SIPA1L2: variants seen among roughly 807,000 people sequenced by gnomAD.
The protein encoded by SIPA1L2 is signal induced proliferation associated 1 like 2.
Under a neutral mutation model 163.9 loss-of-function variants are expected in SIPA1L2, and 56 were observed. The ratio of observed to expected loss-of-function variants is 0.34; its 90% confidence interval spans 0.28 to 0.43. The LOEUF (loss-of-function observed/expected upper bound fraction) is 0.43. Among genes scored for constraint, SIPA1L2 ranks in the 20% least tolerant of loss-of-function variants. The pLI, the probability that SIPA1L2 is intolerant of heterozygous loss-of-function variation, is 1.00. For synonymous variants in SIPA1L2, 877 were observed against 865.7 expected (o/e 1.01, Z -0.23); for missense variants, 1,974 against 2,193.5 (o/e 0.90, Z 2.00).
At chr1:232,555,362 A>G (rs1286000708) in intron 2 of SIPA1L2, among the ~76,000 whole-genome samples, 1 of 152,186 alleles carries the variant, frequency 6.6e-6, no homozygotes, top group African/African-American at 2.4e-5. Flanking sequence ...GCCAACCTGG[A>G]GCAGCATAAC....
intron 2 of SIPA1L2, among the ~76,000 whole-genome samples, chr1:232,526,564 A>C (rs568510413): frequency 2.0e-5 from 3 of 152,238 alleles, no homozygotes; most frequent in South Asian, 2.1e-4. Flanking sequence ...TCAGGCAGTA[A>C]TGCTCGCCTG....
chr1:232,401,545 T>C (rs1188500070), intron 22 of SIPA1L2, among the ~76,000 whole-genome samples: 1 of 152,216 alleles, frequency 6.6e-6, no homozygotes, highest in African/African-American at 2.4e-5. Flanking sequence ...GTCTGGACCC[T>C]GTGTATGTGA....
At chr1:232,482,135 CCTT>C (rs1402068165) in intron 6 of SIPA1L2, among the ~76,000 whole-genome samples, 8 of 152,176 alleles carry the variant, frequency 5.3e-5, no homozygotes, top group African/African-American at 1.9e-4. Flanking sequence ...GTTCTCATCT[CCTT>C]GAGCTAAGGT....
chr1:232,410,257 A>G (rs1660872887), intron 19 of SIPA1L2, among the ~76,000 whole-genome samples: 1 of 152,146 alleles, frequency 6.6e-6, no homozygotes, highest in Admixed American at 6.5e-5. Flanking sequence ...TCAAATCTTA[A>G]TTTTTGAAGA....
intron 3 of SIPA1L2, among the ~76,000 whole-genome samples, chr1:232,494,445 G>A (rs549517251): frequency 6.6e-6 from 1 of 152,304 alleles, no homozygotes; most frequent in Admixed American, 6.5e-5. Flanking sequence ...CCTCGTATGT[G>A]CAATCACTAT....
At chr1:232,533,623 T>C (rs1657116618) in intron 2 of SIPA1L2, among the ~76,000 whole-genome samples, 1 of 152,136 alleles carries the variant, frequency 6.6e-6, no homozygotes, top group South Asian at 2.1e-4. Flanking sequence ...GTTGGTTAAA[T>C]CACAGAGGAC....
chr1:232,439,312 G>C lies in SIPA1L2; in HGVS notation c.3827C>G (p.Thr1276Ser). Residue 1276 changes from threonine to serine, a missense_variant, in exon 15 of 23, where the codon ACC becomes AGC. Transcript: ENST00000674635. ...GIDTAPCMPA[T>S]ILGPVHLAGS... ...TGCCAGGTGCACAGGGCCGAGGATGGTGGCAGGCATGCAGGGGGCCGTGTC... is the reference window on the plus strand; with the variant it reads ...TGCCAGGTGCACAGGGCCGAGGATGCTGGCAGGCATGCAGGGGGCCGTGTC... 1 of 1,614,198 alleles carries C rather than the reference G, an allele frequency of 6.2e-7. No homozygotes were observed. Among genetic ancestry groups the C allele is most frequent in the East Asian group, 2.2e-5 (1 of 44,886 alleles).
chr1:232,539,728 C>A (rs1657528512), intron 2 of SIPA1L2, among the ~76,000 whole-genome samples: 1 of 152,174 alleles, frequency 6.6e-6, no homozygotes, highest in Non-Finnish European at 1.5e-5. Flanking sequence ...GAGTTGGGAT[C>A]CCAGCTGCAC....
intron 17 of SIPA1L2, among the ~76,000 whole-genome samples, 162 bp from the exon 18 acceptor site, chr1:232,425,970 C>G (rs567777596): frequency 4.6e-5 from 7 of 152,290 alleles, no homozygotes; most frequent in South Asian, 4.1e-4. Context: ...GGGATCAAGG[C>G]AAATACACCA....
intron 9 of SIPA1L2, among the ~76,000 whole-genome samples, chr1:232,463,837 C>T (rs1420004082): frequency 6.6e-6 from 1 of 152,194 alleles, no homozygotes; most frequent in African/African-American, 2.4e-5. Flanking sequence ...TACTGTTGAA[C>T]ACACTGAGGC....
intron 6 of SIPA1L2, among the ~76,000 whole-genome samples, chr1:232,480,148 T>TGTGCGC (rs1460002181): frequency 8.1e-6 from 1 of 123,264 alleles, no homozygotes; most frequent in African/African-American, 3.8e-5. Context: ...TCTGTGTGTG[T>TGTGCGC]GTGTGCGTGT....
intron 2 of SIPA1L2, among the ~76,000 whole-genome samples, chr1:232,557,722 C>G (rs1340518140): frequency 6.6e-6 from 1 of 152,198 alleles, no homozygotes; most frequent in African/African-American, 2.4e-5. Flanking sequence ...GTCTATCCCA[C>G]TAGACTGAGG....
At chr1:232,401,956 C>A (rs1660369134) in intron 22 of SIPA1L2, among the ~76,000 whole-genome samples, 1 of 152,182 alleles carries the variant, frequency 6.6e-6, no homozygotes, top group South Asian at 2.1e-4. Flanking sequence ...AGACCATGTG[C>A]AGGTTGATGT....
intron 2 of SIPA1L2, among the ~76,000 whole-genome samples, chr1:232,547,934 A>G (rs1163205055): frequency 6.6e-6 from 1 of 152,200 alleles, no homozygotes; most frequent in Non-Finnish European, 1.5e-5. Flanking sequence ...TCTCAGTGGC[A>G]GCTTCAACAT....
rs1660155002 is a variant in SIPA1L2 at position 232,398,595 on chromosome 1, A to C, written c.*532T>G. ...TTAATCCCCCCACAAAGCTTTTCCA[A>C]CTATGTACTATGCCTCCTTTCTTAT... is the stretch of plus-strand genomic sequence containing the variant. On this transcript the variant is annotated 3_prime_UTR_variant, in exon 23 of 23. Coordinates refer to ENST00000674635, the MANE Select transcript of SIPA1L2 (RefSeq NM_020808.5). The C allele has an allele frequency of 6.6e-6, 1 of 152,412 alleles. No homozygotes were observed. The highest frequency in any genetic ancestry group is 2.4e-5 in the African/African-American group (1 of 41,284). 9.4% of individuals were successfully genotyped at this position (152,412 alleles called of 1,614,324 possible). A position where few individuals can be genotyped will look rare whatever the true frequency, so the allele number is the denominator to read the frequency against.
intron 1 of SIPA1L2, among the ~76,000 whole-genome samples, chr1:232,615,674 A>C (rs776958067): frequency 4.6e-5 from 7 of 152,256 alleles, no homozygotes; most frequent in Non-Finnish European, 1.0e-4. Context: ...CCATGTCTCC[A>C]GTAACATTTC....
chr1:232,403,333 G>A (rs1572845514), intron 21 of SIPA1L2, 115 bp downstream of exon 21: 1 of 1,340,884 alleles, frequency 7.5e-7, no homozygotes, highest in East Asian at 2.4e-5. Context: ...TCAGGACTGG[G>A]AAAGGGCATG....
chr1:232,481,864 T>G (rs1029972563), intron 6 of SIPA1L2, among the ~76,000 whole-genome samples: 1 of 152,206 alleles, frequency 6.6e-6, no homozygotes, highest in Non-Finnish European at 1.5e-5. Context: ...TCCTGAACTT[T>G]CCTTGTGAGG....
rs576031577 is a variant in SIPA1L2, at chr1:232,629,416, C to G, written c.-319+453G>C. On this transcript the variant is annotated intron_variant, in intron 1 of 22. Transcript: ENST00000674635. ...AGGGATCCGTCCCGGTGAGGGCGCG[C>G]GCTCCGGGCGCACCCCCTCTAGAAG... is the stretch of plus-strand genomic sequence containing the variant. Among the ~76,000 whole-genome samples, 4 of 152,334 alleles carry G rather than the reference C, an allele frequency of 2.6e-5. No homozygotes were observed. In the South Asian group the frequency reaches 8.3e-4, roughly 32 times the overall value.
Sources: gnomAD v4.1 joint callset for allele counts (sites outside exome capture counted in the v4.1 genomes callset) on GRCh38, gnomAD v4.1.1 for gene constraint, MANE v1.5 for transcripts, NCBI Gene and HGNC (gene_info 2026-07-23, HGNC 2026-07-21) for gene names.